ASIC2: variants seen among roughly 807,000 people sequenced by gnomAD.
The protein encoded by ASIC2 is acid sensing ion channel subunit 2.
ASIC2 carries 25 observed loss-of-function variants against 57.3 expected under a neutral mutation model. The observed-to-expected ratio is 0.44, with a 90% confidence interval of 0.32 to 0.61. The LOEUF (loss-of-function observed/expected upper bound fraction) is 0.61, where lower values mean the gene tolerates loss of function less well. Ranked by LOEUF, ASIC2 falls within the 20% of genes least tolerant of loss-of-function variation. ASIC2 has a pLI of 0.06. For missense variants in ASIC2, 641 were observed against 738.1 expected, an observed-to-expected ratio of 0.87 and a Z score of 1.52; for synonymous variants, 319 against 307.5, an observed-to-expected ratio of 1.04 and a Z score of -0.39.
intron 1 of ASIC2, among the ~76,000 whole-genome samples, chr17:33,213,905 C>A (rs915679840): frequency 2.6e-5 from 4 of 152,174 alleles, no homozygotes; most frequent in Non-Finnish European, 4.4e-5. Context: ...GAGAGAATAA[C>A]AAGATATGAT....
At chr17:33,459,100 GT>G (rs918792322) in intron 1 of ASIC2, among the ~76,000 whole-genome samples, 6 of 151,138 alleles carry the variant, frequency 4.0e-5, no homozygotes, top group Admixed American at 6.6e-5. Context: ...TGTGTTTTCT[GT>G]TTTTTTTAAT....
chr17:33,830,923 C>T (rs1341318319), intron 1 of ASIC2, among the ~76,000 whole-genome samples: 2 of 151,600 alleles, frequency 1.3e-5, no homozygotes, highest in Admixed American at 1.3e-4. Context: ...CCAGCCTGGC[C>T]AACATGGTAA....
chr17:33,961,486 C>A (rs1387902053), intron 1 of ASIC2, among the ~76,000 whole-genome samples: 4 of 152,200 alleles, frequency 2.6e-5, no homozygotes, highest in Non-Finnish European at 5.9e-5. Flanking sequence ...TTCTGCCCTC[C>A]AACTCCACCT....
At chr17:33,897,414 C>A (rs193191316) in intron 1 of ASIC2, among the ~76,000 whole-genome samples, 4 of 152,352 alleles carry the variant, frequency 2.6e-5, no homozygotes, top group Admixed American at 2.0e-4. Flanking sequence ...AGGACAAAGA[C>A]CATCTCTTAA....
chr17:33,154,283 A>G lies in ASIC2; in HGVS notation c.709-42216T>C, dbSNP rs369261562. 1.9e-4 allele frequency among the ~76,000 whole-genome samples: 29 copies of G among 152,328 alleles called. No homozygotes were observed. The South Asian group carries it at 5.8e-3, about 30-fold the overall frequency. On this transcript the variant is annotated intron_variant, in intron 1 of 9. Transcript: ENST00000225823. Reference sequence around the variant, plus strand: ...ACTGCAACCTCAAACTCCTGTACTCAAGAATCCTCCTGCCTCAGCTTCTTG... The same window carrying G: ...ACTGCAACCTCAAACTCCTGTACTCGAGAATCCTCCTGCCTCAGCTTCTTG...
intron 1 of ASIC2, among the ~76,000 whole-genome samples, chr17:33,767,041 CAG>C (rs1388511055): frequency 9.2e-5 from 14 of 152,222 alleles, no homozygotes; most frequent in Admixed American, 9.2e-4. Context: ...CCAGGCTGCA[CAG>C]AGTTTTCCAT....
At chr17:33,627,678 A>G (rs891886437) in intron 1 of ASIC2, among the ~76,000 whole-genome samples, 1 of 152,230 alleles carries the variant, frequency 6.6e-6, no homozygotes, top group Non-Finnish European at 1.5e-5. Flanking sequence ...CAAGCCAATT[A>G]GCTGTCTGCT....
chr17:33,515,660 C>T (rs149147333), intron 1 of ASIC2, among the ~76,000 whole-genome samples: 70 of 152,328 alleles, frequency 4.6e-4, no homozygotes, highest in African/African-American at 1.3e-3. Context: ...GCTTCCTTCC[C>T]GCATGGCTGG....
chr17:33,283,025 T>C lies in ASIC2; in HGVS notation c.708+8383A>G, dbSNP rs139034171. The stretch of plus-strand genomic sequence containing the variant: ...AAGGGGCCATCATTCAGCCTACACA[T>C]GGCCTTTGCACTTTGGTTTGACTGA... On this transcript the variant is annotated intron_variant, in intron 1 of 9. Transcript: ENST00000225823. Among the ~76,000 whole-genome samples the C allele has an allele frequency of 7.6e-4, 116 of 152,348 alleles. 4 individuals are homozygous for C. In the East Asian group the frequency reaches 0.022, roughly 29 times the overall value.
intron 3 of ASIC2, among the ~76,000 whole-genome samples, chr17:33,036,279 C>T (rs1289584965): frequency 6.6e-6 from 1 of 152,030 alleles, no homozygotes; most frequent in Non-Finnish European, 1.5e-5. Context: ...TGTGCAAGAT[C>T]ACATAGTGAT....
intron 1 of ASIC2, among the ~76,000 whole-genome samples, chr17:33,682,692 A>G (rs1597833923): frequency 1.3e-5 from 2 of 152,254 alleles, no homozygotes; most frequent in African/African-American, 2.4e-5. Flanking sequence ...AAGAAGTGGA[A>G]TTAGGAGTTA....
chr17:33,151,709 A>G (rs979180918), intron 1 of ASIC2, among the ~76,000 whole-genome samples: 4 of 152,154 alleles, frequency 2.6e-5, no homozygotes, highest in Non-Finnish European at 5.9e-5. Flanking sequence ...GCTCCCTCTC[A>G]TGTGTGCTCT....
chr17:34,103,558 CCT>C (rs1316035474), intron 1 of ASIC2, among the ~76,000 whole-genome samples: 1 of 151,756 alleles, frequency 6.6e-6, no homozygotes, highest in Non-Finnish European at 1.5e-5. Context: ...AACATATTTC[CCT>C]GTTTTTTTCA....
chr17:33,392,836 A>T (rs1204074674), intron 1 of ASIC2, among the ~76,000 whole-genome samples: 1 of 152,212 alleles, frequency 6.6e-6, no homozygotes, highest in African/African-American at 2.4e-5. Context: ...ACTTTATAGA[A>T]GCAGAGACCA....
chr17:33,833,383 G>A (rs1913174966), intron 1 of ASIC2, among the ~76,000 whole-genome samples: 1 of 152,116 alleles, frequency 6.6e-6, no homozygotes, highest in Admixed American at 6.6e-5. Context: ...AGAAGAAGAG[G>A]AAAAGGGGGT....
chr17:34,020,313 A>G (rs1396965768), intron 1 of ASIC2, among the ~76,000 whole-genome samples: 2 of 152,214 alleles, frequency 1.3e-5, no homozygotes, highest in Admixed American at 1.3e-4. Flanking sequence ...TCTTTACTCT[A>G]ACTGCCTTGA....
At chr17:34,092,720 A>G (rs1342646871) in intron 1 of ASIC2, among the ~76,000 whole-genome samples, 1 of 152,180 alleles carries the variant, frequency 6.6e-6, no homozygotes, top group Non-Finnish European at 1.5e-5. Flanking sequence ...ATAAATCACA[A>G]TACAACTGGC....
At chr17:33,799,430 C>A (rs201642195) in intron 1 of ASIC2, among the ~76,000 whole-genome samples, 4 of 15,330 alleles carry the variant, frequency 2.6e-4, no homozygotes, top group African/African-American at 6.9e-4. Context: ...TTTCTTTCTT[C>A]TTTCTTTCTT....
At chr17:34,007,435 G>C (rs1906563907) in intron 1 of ASIC2, among the ~76,000 whole-genome samples, 1 of 152,138 alleles carries the variant, frequency 6.6e-6, no homozygotes, top group African/African-American at 2.4e-5. Context: ...TCTTGCTTTG[G>C]CAGAATAAGG....
Sources: allele counts gnomAD v4.1 joint callset (sites outside exome capture counted in the v4.1 genomes callset), GRCh38; gene constraint gnomAD v4.1.1; transcripts MANE v1.5; gene names NCBI Gene and HGNC (gene_info 2026-07-23, HGNC 2026-07-21).